Variants in SLC46A3 observed in about 807,000 individuals in gnomAD.
SLC46A3 encodes lysosomal proton-coupled steroid conjugate and bile acid symporter SLC46A3.
In SLC46A3, 26 loss-of-function variants were observed where a neutral mutation model predicts 38.5. The observed-to-expected ratio is 0.68, with a 90% CI of 0.49 to 0.94. The LOEUF is 0.94. SLC46A3 is among the 40% of genes least tolerant of loss of function. The pLI is 0.00. For synonymous variants in SLC46A3, 185 were observed against 192.5 expected, an observed-to-expected ratio of 0.96 and a Z score of 0.32; for missense variants, 510 against 544.3, an observed-to-expected ratio of 0.94 and a Z score of 0.63.
At chr13:28,705,787 C>T (rs1885157558) in intron 4 of SLC46A3, among the ~76,000 whole-genome samples, 1 of 152,194 alleles carries the variant, frequency 6.6e-6, no homozygotes, top group Non-Finnish European at 1.5e-5. Flanking sequence ...GGATGTTCTT[C>T]TACTTGTCTA....
At chr13:28,708,880 A>C (rs1412694200) in intron 4 of SLC46A3, among the ~76,000 whole-genome samples, 1 of 152,024 alleles carries the variant, frequency 6.6e-6, no homozygotes, top group African/African-American at 2.4e-5. Flanking sequence ...TTTTGGTGTC[A>C]TATCTAAGAA....
chr13:28,716,291 A>C (rs1787493179), intron 2 of SLC46A3, among the ~76,000 whole-genome samples: 1 of 152,122 alleles, frequency 6.6e-6, no homozygotes, highest in African/African-American at 2.4e-5. Context: ...ATATTAACAA[A>C]CGTCTCCAGA....
rs1164848615 is a variant in SLC46A3 at position 28,712,964 on chromosome 13, A to T, written c.776T>A (p.Leu259Ter). The change falls in exon 3 of 6, where the codon TTG (leucine) becomes TAG (stop). Residue 259 changes from leucine to a stop codon, truncating the protein, a stop_gained. Transcript: ENST00000266943. LOFTEE classifies it high-confidence loss of function. Reference protein sequence around the residue: ...FKNASGKRRFLLCLLLFTVIT... With the variant: ...FKNASGKRRF ...TACTGTAAAAAGTAACAAACAGAGC[A>T]AAAATCGTCTCTTACCAGAAGCATT... 6.2e-7 allele frequency: 1 copy of T among 1,612,694 alleles called. No homozygotes were observed. Among genetic ancestry groups the T allele is most frequent in the African/African-American group, 1.3e-5 (1 of 74,860 alleles).
chr13:28,714,747 T>A, intron 2 of SLC46A3, among the ~76,000 whole-genome samples: 1 of 152,146 alleles, frequency 6.6e-6, no homozygotes, highest in East Asian at 1.9e-4. Flanking sequence ...AGACTCCATC[T>A]CAAATAAATA....
At chr13:28,715,305 A>G (rs1266235754) in intron 2 of SLC46A3, among the ~76,000 whole-genome samples, 1 of 152,264 alleles carries the variant, frequency 6.6e-6, no homozygotes, top group Non-Finnish European at 1.5e-5. Context: ...CTTTGACATG[A>G]GACCACTGCT....
intron 2 of SLC46A3, among the ~76,000 whole-genome samples, chr13:28,713,928 G>C (rs1885445559): frequency 1.3e-5 from 2 of 152,072 alleles, no homozygotes; most frequent in African/African-American, 4.8e-5. Context: ...AAACAAATTT[G>C]TGCATAAAAC....
At position 28,701,517 on chromosome 13, in the gene SLC46A3, C is replaced by T; in HGVS notation, c.1366G>A (p.Glu456Lys). The T allele has an allele frequency of 6.2e-7, 1 of 1,613,238 alleles. No individual in the cohort carries two copies. Among genetic ancestry groups the T allele is most frequent in the Non-Finnish European group, 8.5e-7 (1 of 1,179,400 alleles). The stretch of plus-strand genomic sequence containing the variant: ...CACAGTCACCTGTCTGAAGCATCTT[C>T]ACTGGATTCTTCTTGTATAAGAAGT... ...YELLIQEESS[E>K]DASDR is the part of the protein sequence containing the mutation. Residue 456 changes from glutamate (E) to lysine (K), a missense_variant, in exon 6 of 6, where the codon GAA (glutamate) becomes AAA (lysine). Physicochemically the swap from Glu to Lys is moderately conservative, Grantham distance 56. Coordinates refer to ENST00000266943, the MANE Select transcript of SLC46A3 (RefSeq NM_181785.4).
chr13:28,709,828 A>T (rs1465321136), intron 4 of SLC46A3, among the ~76,000 whole-genome samples: 1 of 151,984 alleles, frequency 6.6e-6, no homozygotes, highest in Admixed American at 6.5e-5. Flanking sequence ...GACAATGCCC[A>T]CTCTCTATAA....
chr13:28,710,707 A>AT, intron 4 of SLC46A3, 53 bp downstream of exon 4: 1 of 1,324,758 alleles, frequency 7.5e-7, no homozygotes, highest in Non-Finnish European at 1.1e-6. Context: ...TTGTACACAG[A>AT]TTTGAGTTTG....
rs1167780700 is a variant in SLC46A3 at position 28,701,223 on chromosome 13, T to A, written c.*274A>T. 7.2e-7 allele frequency: 1 copy of A among 1,391,642 alleles called. No homozygotes were observed. The highest frequency in any genetic ancestry group is 1.5e-5 in the African/African-American group (1 of 68,730). 86.2% of individuals were successfully genotyped at this position (1,391,642 alleles called of 1,614,324 possible). On this transcript the variant is annotated 3_prime_UTR_variant, in exon 6 of 6. Coordinates refer to ENST00000266943, the MANE Select transcript of SLC46A3 (RefSeq NM_181785.4). The stretch of plus-strand genomic sequence containing the variant: ...GATCCCTCCTTACACCCTTAAGTTT[T>A]AATGTTTCTCTTCTAAGTCTAAAAG...
At chr13:28,714,713 C>T (rs1885479613) in intron 2 of SLC46A3, among the ~76,000 whole-genome samples, 1 of 152,214 alleles carries the variant, frequency 6.6e-6, no homozygotes, top group Admixed American at 6.5e-5. Context: ...TGTGCCATTG[C>T]ACTCCAGCCT....
intron 2 of SLC46A3, among the ~76,000 whole-genome samples, chr13:28,713,995 C>G (rs1173795783): frequency 6.6e-6 from 1 of 151,984 alleles, no homozygotes; most frequent in Non-Finnish European, 1.5e-5. Context: ...GTGTGGTGAT[C>G]AAAAAGTTTC....
chr13:28,704,547 T>G (rs1010380246), intron 4 of SLC46A3: 4 of 153,252 alleles, frequency 2.6e-5, no homozygotes, highest in Non-Finnish European at 4.4e-5. Context: ...CAATGCTTCC[T>G]GCAAGAGCCT....
chr13:28,701,772 AT>A (rs565798178), intron 5 of SLC46A3, among the ~76,000 whole-genome samples, 191 bp from the exon 6 acceptor site: 153 of 152,024 alleles, frequency 1.0e-3, no homozygotes, highest in African/African-American at 3.6e-3. Context: ...AAACTGCATG[AT>A]TTTTTTTCTC....
At chr13:28,707,650 A>G (rs970139098) in intron 4 of SLC46A3, among the ~76,000 whole-genome samples, 1 of 152,206 alleles carries the variant, frequency 6.6e-6, no homozygotes, top group African/African-American at 2.4e-5. Flanking sequence ...TCTAAGTCAA[A>G]GCAGGTAAAT....
At chr13:28,716,305 G>A (rs944113696) in intron 2 of SLC46A3, among the ~76,000 whole-genome samples, 4 of 152,114 alleles carry the variant, frequency 2.6e-5, no homozygotes, top group African/African-American at 4.8e-5. Flanking sequence ...CTCCAGAGCC[G>A]AAATCTGAAG....
rs200100874 is a variant in SLC46A3 at position 28,703,917 on chromosome 13, T to C, written c.1301+26A>G. The C allele has an allele frequency of 1.4e-3, 2,262 of 1,561,798 alleles. 42 individuals are homozygous for C. The South Asian group carries it at 0.024, about 17-fold the overall frequency. Reference sequence around the variant, plus strand: ...TTCACTTAATCCATATACCCTCTGATAAAATGATTAAAAATAATGACATAC... The same window carrying C: ...TTCACTTAATCCATATACCCTCTGACAAAATGATTAAAAATAATGACATAC... On this transcript the variant is annotated intron_variant, in intron 5 of 5. Coordinates refer to ENST00000266943, the MANE Select transcript of SLC46A3 (RefSeq NM_181785.4).
rs1885383901 is a variant in SLC46A3 at position 28,712,754 on chromosome 13, A to G, written c.986T>C (p.Phe329Ser). ...TGTCATCGTGGTAAAAATCCCAATGAAGGCCATATGAATATCTTCCATACA... is the reference window on the plus strand; with the variant it reads ...TGTCATCGTGGTAAAAATCCCAATGGAGGCCATATGAATATCTTCCATACA... Reference protein sequence around the residue: ...SYCMEDIHMAFIGIFTTMTGM... With the variant: ...SYCMEDIHMASIGIFTTMTGM... The change falls in exon 3 of 6, where the codon TTC becomes TCC. Residue 329 changes from phenylalanine (F) to serine (S), a missense_variant. Physicochemically the swap from Phe to Ser is radical, Grantham distance 155 (BLOSUM62 -2). Transcript: ENST00000266943. 6.2e-7 allele frequency: 1 copy of G among 1,610,050 alleles called. No homozygotes were observed. The highest frequency in any genetic ancestry group is 1.3e-5 in the African/African-American group (1 of 74,542).
chr13:28,708,289 A>T (rs991059153), intron 4 of SLC46A3, among the ~76,000 whole-genome samples: 1 of 152,176 alleles, frequency 6.6e-6, no homozygotes, highest in South Asian at 2.1e-4. Context: ...CTCGCAGTGT[A>T]TGAGGGCTCC....
Sources: gnomAD v4.1 joint callset for allele counts (sites outside exome capture counted in the v4.1 genomes callset) on GRCh38, gnomAD v4.1.1 for gene constraint, MANE v1.5 for transcripts, NCBI Gene and HGNC (gene_info 2026-07-23, HGNC 2026-07-21) for gene names.